RSU1: variants seen among roughly 807,000 people sequenced by gnomAD.
RSU1 encodes rsu-1.
A neutral mutation model predicts 31.1 loss-of-function variants in RSU1; 26 were observed. That is an observed-to-expected ratio of 0.84 (90% CI 0.61 to 1.16). RSU1 has a LOEUF of 1.16. Among genes scored for constraint, RSU1 ranks in the 50% most tolerant of loss-of-function variants. The probability of loss-of-function intolerance (pLI) is 0.00; values close to 1 mark genes in which losing one functional copy is unlikely to be tolerated. For synonymous variants in RSU1, 164 were observed against 136.3 expected, an observed-to-expected ratio of 1.20 and a Z score of -1.41; for missense variants, 320 against 339.1, an observed-to-expected ratio of 0.94 and a Z score of 0.44.
At chr10:16,676,583 T>TC (rs1402544028) in intron 8 of RSU1, among the ~76,000 whole-genome samples, 1 of 152,230 alleles carries the variant, frequency 6.6e-6, no homozygotes. Flanking sequence ...GGACCAGAAG[T>TC]ATTTTGGATT....
chr10:16,632,723 G>A (rs1433154835), intron 8 of RSU1, among the ~76,000 whole-genome samples: 1 of 152,120 alleles, frequency 6.6e-6, no homozygotes, highest in Non-Finnish European at 1.5e-5. Flanking sequence ...CATATCACTT[G>A]AGCTCAGGGG....
chr10:16,612,752 G>C (rs1173355333), intron 8 of RSU1, among the ~76,000 whole-genome samples: 1 of 152,052 alleles, frequency 6.6e-6, no homozygotes, highest in Non-Finnish European at 1.5e-5. Context: ...AACTATGTTC[G>C]CTAGTCAGCT....
chr10:16,633,170 C>T (rs1438987594), intron 8 of RSU1, among the ~76,000 whole-genome samples: 1 of 152,106 alleles, frequency 6.6e-6, no homozygotes, highest in Non-Finnish European at 1.5e-5. Context: ...CTGTGGGAAC[C>T]AAAGTGTCTC....
chr10:16,690,842 A>G (rs1217702932), intron 8 of RSU1, among the ~76,000 whole-genome samples: 1 of 152,064 alleles, frequency 6.6e-6, no homozygotes, highest in Non-Finnish European at 1.5e-5. Flanking sequence ...GGGGTGGGGG[A>G]AGGAGGAGGA....
chr10:16,594,673 CAT>C (rs1022351446), intron 8 of RSU1, among the ~76,000 whole-genome samples: 10 of 137,594 alleles, frequency 7.3e-5, no homozygotes, highest in Admixed American at 4.2e-4. Flanking sequence ...TTATCTATAT[CAT>C]ATATTATCTG....
intron 7 of RSU1, among the ~76,000 whole-genome samples, chr10:16,724,687 T>C (rs1422594197): frequency 6.6e-6 from 1 of 152,184 alleles, no homozygotes; most frequent in African/African-American, 2.4e-5. Context: ...GGAGGGGACA[T>C]AGTGCTCACT....
intron 8 of RSU1, among the ~76,000 whole-genome samples, chr10:16,680,584 G>A (rs796704928): frequency 3.9e-5 from 6 of 152,250 alleles, no homozygotes; most frequent in African/African-American, 1.4e-4. Context: ...GTGCAGGCAT[G>A]TCACGTGGCA....
In RSU1 at chr10:16,592,636, G is replaced by A. The variant is rs772406882; in HGVS notation, c.*758C>T. 3 of 152,026 alleles carry A rather than the reference G, an allele frequency of 2.0e-5. No homozygotes were observed. Among genetic ancestry groups the A allele is most frequent in the Non-Finnish European group, 4.4e-5 (3 of 68,012 alleles). The allele number at this position is 152,026 out of a possible 1,614,324, so 9.4% of individuals were successfully genotyped here. On this transcript the variant is annotated 3_prime_UTR_variant, in exon 9 of 9. Transcript: ENST00000345264. ...TGGCAGAAATCACCATTTCTTCGGC[G>A]AAGGAATGCTACTTTCCAAAATCCT...
intron 3 of RSU1, among the ~76,000 whole-genome samples, chr10:16,771,941 A>T (rs538727309): frequency 2.6e-5 from 4 of 152,370 alleles, no homozygotes; most frequent in African/African-American, 7.2e-5. Flanking sequence ...TCCTCCAATT[A>T]TTAGCTTTAT....
chr10:16,747,000 T>A (rs1157137514), intron 7 of RSU1, among the ~76,000 whole-genome samples: 1 of 152,062 alleles, frequency 6.6e-6, no homozygotes, highest in African/African-American at 2.4e-5. Context: ...AAAAAGAGAA[T>A]AATCCCCCAA....
At chr10:16,603,277 G>A (rs1328319303) in intron 8 of RSU1, among the ~76,000 whole-genome samples, 1 of 152,138 alleles carries the variant, frequency 6.6e-6, no homozygotes, top group African/African-American at 2.4e-5. Context: ...AATATATAAG[G>A]CAGATTTCAA....
At chr10:16,664,997 G>A (rs748863727) in intron 8 of RSU1, among the ~76,000 whole-genome samples, 13 of 152,176 alleles carry the variant, frequency 8.5e-5, no homozygotes, top group Non-Finnish European at 1.6e-4. Flanking sequence ...AGGCTGGAAT[G>A]CAGTGGCACG....
intron 7 of RSU1, among the ~76,000 whole-genome samples, chr10:16,695,744 G>C (rs1306131945): frequency 6.6e-6 from 1 of 152,112 alleles, no homozygotes; most frequent in African/African-American, 2.4e-5. Flanking sequence ...CCAGCAATCT[G>C]GAAGGTCAGA....
chr10:16,791,635 CAAAAAAA>C (rs553951655), intron 2 of RSU1, among the ~76,000 whole-genome samples: 3 of 98,484 alleles, frequency 3.0e-5, no homozygotes, highest in Admixed American at 1.0e-4. Context: ...CTCAAAAAAA[CAAAAAAA>C]AAAAAAAAAG....
chr10:16,672,362 G>A lies in RSU1; in HGVS notation c.731+22661C>T, dbSNP rs562748823. ...ATATGACCCACGCATTCCACTCCTA[G>A]GTGTTTACCCAAGAGAAACAATAGC... On this transcript the variant is annotated intron_variant, in intron 8 of 8. Coordinates refer to ENST00000345264, the MANE Select transcript of RSU1 (RefSeq NM_012425.4). Among the ~76,000 whole-genome samples the A allele has an allele frequency of 4.6e-5, 7 of 152,200 alleles. No individual in the cohort carries two copies. In the South Asian group the frequency reaches 1.5e-3, roughly 32 times the overall value.
At chr10:16,704,635 T>G (rs1202306349) in intron 7 of RSU1, among the ~76,000 whole-genome samples, 1 of 152,240 alleles carries the variant, frequency 6.6e-6, no homozygotes, top group Non-Finnish European at 1.5e-5. Context: ...GGGCCCAGAA[T>G]TCTGTCATCA....
intron 8 of RSU1, among the ~76,000 whole-genome samples, chr10:16,669,857 C>T (rs1056203178): frequency 2.0e-5 from 3 of 152,148 alleles, no homozygotes; most frequent in African/African-American, 7.2e-5. Context: ...GATTCCATGT[C>T]TTTGCTATTG....
At chr10:16,806,593 A>G (rs999118414) in intron 2 of RSU1, among the ~76,000 whole-genome samples, 6 of 152,170 alleles carry the variant, frequency 3.9e-5, no homozygotes, top group African/African-American at 9.7e-5. Context: ...TGCGTGTATT[A>G]TATTAATACA....
At chr10:16,785,202 G>C (rs1016399221) in intron 2 of RSU1, among the ~76,000 whole-genome samples, 4 of 151,940 alleles carry the variant, frequency 2.6e-5, no homozygotes, top group African/African-American at 9.7e-5. Context: ...GGTAGAAAAA[G>C]GCTAAACTGG....
Sources: allele counts gnomAD v4.1 joint callset (sites outside exome capture counted in the v4.1 genomes callset), GRCh38; gene constraint gnomAD v4.1.1; transcripts MANE v1.5; gene names NCBI Gene and HGNC (gene_info 2026-07-23, HGNC 2026-07-21).